SEL1L2: variants seen among roughly 807,000 people sequenced by gnomAD.
The protein encoded by SEL1L2 is protein sel-1 homolog 2.
In SEL1L2, 89 loss-of-function variants were observed where a neutral mutation model predicts 98.8. The ratio of observed to expected loss-of-function variants is 0.90; its 90% CI spans 0.76 to 1.07. SEL1L2 has a LOEUF of 1.07. Ranked by LOEUF, SEL1L2 falls within the 50% of genes least tolerant of loss-of-function variation. The probability of loss-of-function intolerance (pLI) is 0.00; values close to 1 mark genes in which losing one functional copy is unlikely to be tolerated. For synonymous variants in SEL1L2, 262 were observed against 278.5 expected (o/e 0.94, Z 0.59); for missense variants, 788 against 812.0 (o/e 0.97, Z 0.36).
chr20:13,989,470 G>T (rs764364242), intron 1 of SEL1L2, among the ~76,000 whole-genome samples: 3 of 152,126 alleles, frequency 2.0e-5, no homozygotes, highest in East Asian at 3.9e-4. Flanking sequence ...TTTGTTTCTT[G>T]TGTAATTGCC....
At chr20:13,967,854 A>T (rs1005980437) in intron 1 of SEL1L2, among the ~76,000 whole-genome samples, 1 of 152,226 alleles carries the variant, frequency 6.6e-6, no homozygotes, top group African/African-American at 2.4e-5. Context: ...AATTGCATAT[A>T]TATGAGGGAT....
At chr20:13,950,037 T>C (rs939234568) in intron 2 of SEL1L2, among the ~76,000 whole-genome samples, 1 of 152,182 alleles carries the variant, frequency 6.6e-6, no homozygotes, top group African/African-American at 2.4e-5. Context: ...TGTATAGATT[T>C]TGAGGAGATT....
intron 2 of SEL1L2, among the ~76,000 whole-genome samples, chr20:13,932,162 G>A (rs1018680068): frequency 2.0e-5 from 3 of 152,042 alleles, no homozygotes; most frequent in African/African-American, 7.2e-5. Flanking sequence ...ATAATGGGTG[G>A]AAAGTACAGA....
At chr20:13,888,909 G>A (rs747251632) in intron 5 of SEL1L2, among the ~76,000 whole-genome samples, 46 of 149,964 alleles carry the variant, frequency 3.1e-4, no homozygotes, top group Non-Finnish European at 5.8e-4. Context: ...GCCTCCCAAA[G>A]TGTTGGGATT....
At chr20:13,916,445 C>T (rs2048405074) in intron 4 of SEL1L2, among the ~76,000 whole-genome samples, 1 of 152,170 alleles carries the variant, frequency 6.6e-6, no homozygotes, top group African/African-American at 2.4e-5. Flanking sequence ...ACCCAGCTTG[C>T]CCAGAAACTC....
intron 3 of SEL1L2, among the ~76,000 whole-genome samples, chr20:13,921,296 C>T (rs534633044): frequency 1.1e-4 from 16 of 152,116 alleles, no homozygotes; most frequent in Admixed American, 2.6e-4. Flanking sequence ...CCTCAGCCTC[C>T]GAGTAGCTGG....
At chr20:13,910,197 GTGGAGCTCAGA>G (rs1232762196) in intron 5 of SEL1L2, among the ~76,000 whole-genome samples, 4 of 152,188 alleles carry the variant, frequency 2.6e-5, no homozygotes, top group African/African-American at 9.7e-5. Context: ...TAGGGGCCAG[GTGGAGCTCAGA>G]TGTAAAGCCA....
chr20:13,931,950 T>C (rs919434862), intron 2 of SEL1L2, among the ~76,000 whole-genome samples, 179 bp from the exon 3 acceptor site: 6 of 152,244 alleles, frequency 3.9e-5, no homozygotes, highest in African/African-American at 4.8e-5. Context: ...GAAATCCATA[T>C]GTTTTATGAA....
intron 3 of SEL1L2, among the ~76,000 whole-genome samples, chr20:13,930,934 C>T (rs1461603589): frequency 6.6e-6 from 1 of 152,008 alleles, no homozygotes; most frequent in Non-Finnish European, 1.5e-5. Context: ...TAGTGGGTAA[C>T]AGCCCGGGCA....
intron 10 of SEL1L2, among the ~76,000 whole-genome samples, chr20:13,882,347 G>A (rs975126591): frequency 6.6e-6 from 1 of 152,306 alleles, no homozygotes; most frequent in African/African-American, 2.4e-5. Flanking sequence ...TCTGCCCATT[G>A]AGAGGAGAAG....
intron 2 of SEL1L2, among the ~76,000 whole-genome samples, chr20:13,952,467 T>C (rs2050318712): frequency 6.6e-6 from 1 of 152,190 alleles, no homozygotes; most frequent in Non-Finnish European, 1.5e-5. Flanking sequence ...GAGCAGCTAA[T>C]TCCTATTATC....
chr20:13,920,442 A>AT (rs1465188710), intron 3 of SEL1L2, among the ~76,000 whole-genome samples: 1 of 152,128 alleles, frequency 6.6e-6, no homozygotes, highest in African/African-American at 2.4e-5. Flanking sequence ...ACACTTTGCA[A>AT]TTTTTAAAAA....
chr20:13,975,090 T>A (rs1448976763), intron 1 of SEL1L2, among the ~76,000 whole-genome samples: 1 of 152,154 alleles, frequency 6.6e-6, no homozygotes, highest in African/African-American at 2.4e-5. Flanking sequence ...GAACCAGGTT[T>A]TTTTTACTAC....
chr20:13,955,902 T>G (rs557006070), intron 2 of SEL1L2, among the ~76,000 whole-genome samples, 174 bp downstream of exon 2: 74 of 152,268 alleles, frequency 4.9e-4, no homozygotes, highest in African/African-American at 1.3e-3. Context: ...GAAGACAGTC[T>G]TATCCTCTCA....
intron 3 of SEL1L2, among the ~76,000 whole-genome samples, chr20:13,925,005 G>A (rs771278428): frequency 1.6e-4 from 25 of 152,212 alleles, no homozygotes; most frequent in Non-Finnish European, 4.4e-5. Flanking sequence ...CGGGCATAGT[G>A]GTGCGCACCT....
chr20:13,956,850 C>T (rs1675758352), intron 1 of SEL1L2, among the ~76,000 whole-genome samples: 1 of 151,986 alleles, frequency 6.6e-6, no homozygotes, highest in South Asian at 2.1e-4. Flanking sequence ...TACTACATTA[C>T]TAAGATTGAC....
intron 2 of SEL1L2, among the ~76,000 whole-genome samples, chr20:13,935,268 G>C (rs2049396638): frequency 6.6e-6 from 1 of 152,142 alleles, no homozygotes; most frequent in African/African-American, 2.4e-5. Context: ...CATTTTTGGA[G>C]CATTGCTCTC....
intron 18 of SEL1L2, among the ~76,000 whole-genome samples, chr20:13,857,773 T>C (rs765713612): frequency 3.7e-4 from 57 of 152,368 alleles, no homozygotes; most frequent in Middle Eastern, 3.4e-3. Context: ...GAAGCCTTAC[T>C]TAGCAGTTGC....
chr20:13,964,273 G>A (rs1488556194), intron 1 of SEL1L2, among the ~76,000 whole-genome samples: 1 of 151,914 alleles, frequency 6.6e-6, no homozygotes, highest in African/African-American at 2.4e-5. Context: ...TAAAAACCTG[G>A]GAGGCCAAGT....
Sources: gnomAD v4.1 joint callset for allele counts (sites outside exome capture counted in the v4.1 genomes callset) on GRCh38, gnomAD v4.1.1 for gene constraint, MANE v1.5 for transcripts, NCBI Gene and HGNC (gene_info 2026-07-23, HGNC 2026-07-21) for gene names.